MCM7: variants seen among roughly 807,000 people sequenced by gnomAD.
MCM7 encodes DNA replication licensing factor MCM7.
A neutral mutation model predicts 83.5 loss-of-function variants in MCM7; 95 were observed. That is an observed-to-expected ratio of 1.14 (90% CI 0.96 to 1.35). The LOEUF is 1.35. MCM7 is among the 40% of genes most tolerant of loss of function. MCM7 has a pLI of 0.00. For missense variants in MCM7, 1,087 were observed against 957.4 expected, an observed-to-expected ratio of 1.14 and a Z score of -1.79; for synonymous variants, 461 against 352.7, an observed-to-expected ratio of 1.31 and a Z score of -3.44.
intron 1 of MCM7, chr7:100,100,426 C>T: frequency 9.8e-7 from 1 of 1,024,700 alleles, no homozygotes; most frequent in African/African-American, 1.7e-5. Context: ...TATGATCCCC[C>T]GCCTTCTTTG....
chr7:100,092,786 T>G lies in MCM7; in HGVS notation c.*146A>C, dbSNP rs1374578281. 6 of 822,838 alleles carry G rather than the reference T, an allele frequency of 7.3e-6. No homozygotes were observed. Among genetic ancestry groups the G allele is most frequent in the Non-Finnish European group, 1.1e-5 (6 of 523,268 alleles). The allele number at this position is 822,838 out of a possible 1,614,324, so 51.0% of individuals were successfully genotyped here. A position where few individuals can be genotyped will look rare whatever the true frequency, so the allele number is the denominator to read the frequency against. ...TCAGGCCCAGGCTAGAAGATGACAA[T>G]CTACAAACACTTTTATTAGCAAAAG... is the stretch of plus-strand genomic sequence containing the variant. On this transcript the variant is annotated 3_prime_UTR_variant, in exon 15 of 15. Coordinates refer to ENST00000303887, the MANE Select transcript of MCM7 (RefSeq NM_005916.5).
At position 100,098,279 on chromosome 7, in the gene MCM7, C is replaced by G; in HGVS notation, c.732G>C (p.Val244=). ...TACTACGAGGGATATTTCCCACAGG[C>G]ACCTGATCACTCTAGGGGAGGGAAA... ...EMKMQEHSDQ[V]PVGNIPRSIT... Residue 244 remains valine, a synonymous_variant, in exon 7 of 15, where the codon GTG becomes GTC. Coordinates refer to ENST00000303887, the MANE Select transcript of MCM7 (RefSeq NM_005916.5). 4 of 1,614,100 alleles carry G rather than the reference C, an allele frequency of 2.5e-6. No homozygotes were observed. The highest frequency in any genetic ancestry group is 3.4e-6 in the Non-Finnish European group (4 of 1,180,004).
At position 100,093,389 on chromosome 7, in the gene MCM7, T is replaced by C. The variant is rs772312897; in HGVS notation, c.1861A>G (p.Met621Val). Residue 621 changes from methionine (M) to valine (V), a missense_variant, in exon 14 of 15, where the codon ATG (methionine) becomes GTG (valine). Coordinates refer to ENST00000303887, the MANE Select transcript of MCM7 (RefSeq NM_005916.5). ...RLSTALARLRMVDVVEKEDVN... is the reference protein window; with the variant it reads ...RLSTALARLRVVDVVEKEDVN... ...TCTTCTTTCTCCACCACATCCACCATTCTCAGACGTGCCTAAGGGGAAGGT... is the reference window on the plus strand; with the variant it reads ...TCTTCTTTCTCCACCACATCCACCACTCTCAGACGTGCCTAAGGGGAAGGT... 6.8e-6 allele frequency: 11 copies of C among 1,614,086 alleles called. No homozygotes were observed. The highest frequency in any genetic ancestry group is 9.3e-6 in the Non-Finnish European group (11 of 1,180,002).
chr7:100,099,554 C>A, intron 3 of MCM7, 35 bp downstream of exon 3: 1 of 1,609,240 alleles, frequency 6.2e-7, no homozygotes, highest in Non-Finnish European at 8.5e-7. Context: ...TTAAACGCCT[C>A]GCCCTTTGTT....
rs200255940 is a variant in MCM7 at position 100,093,099 on chromosome 7, C to T, written c.1993G>A (p.Val665Ile). Residue 665 changes from valine (V) to isoleucine (I), a missense_variant, in exon 15 of 15, where the codon GTC becomes ATC. Coordinates refer to ENST00000303887, the MANE Select transcript of MCM7 (RefSeq NM_005916.5). ...QRPADVIFAT[V>I]RELVSGGRSV... ...CGGCCCCCTGAGACCAGTTCACGGA[C>T]GGTGGCAAATATCACATCTGCTGGT... 20 of 1,613,968 alleles carry T rather than the reference C, an allele frequency of 1.2e-5. No individual in the cohort carries two copies. The highest frequency in any genetic ancestry group is 3.3e-5 in the Admixed American group (2 of 59,982).
chr7:100,093,224 G>A (rs1184062948), intron 14 of MCM7, 68 bp downstream of exon 14: 1 of 1,596,770 alleles, frequency 6.3e-7, no homozygotes, highest in African/African-American at 1.3e-5. Flanking sequence ...TTAGAATTGA[G>A]GCCAACCTCA....
Position 100,093,118 on chromosome 7 carries a change from T to C in MCM7, c.1974A>G (p.Ala658=). 1 of 1,613,964 alleles carries C rather than the reference T, an allele frequency of 6.2e-7. No individual in the cohort carries two copies. Among genetic ancestry groups the C allele is most frequent in the South Asian group, 1.1e-5 (1 of 91,070 alleles). The part of the protein sequence containing the change: ...KGQTARTQRP[A]DVIFATVREL... ...CACGGACGGTGGCAAATATCACATCTGCTGGTCTCTGAGTCCTGAAGGAAA... is the reference window on the plus strand; with the variant it reads ...CACGGACGGTGGCAAATATCACATCCGCTGGTCTCTGAGTCCTGAAGGAAA... Residue 658 remains alanine (A), a synonymous_variant, in exon 15 of 15, where the codon GCA becomes GCG. Coordinates refer to ENST00000303887, the MANE Select transcript of MCM7 (RefSeq NM_005916.5).
rs1194997255 is a variant in MCM7 at position 100,099,725 on chromosome 7, G to A, written c.140C>T (p.Ala47Val). The part of the protein sequence containing the change: ...LVRLAHREQV[A>V]LYVDLDDVAE... ...TACGTCGTCCAGGTCCACATACAGA[G>A]CCACCTGTTCCCGATGAGCCAGCCG... The change falls in exon 3 of 15, where the codon GCT becomes GTT. Residue 47 changes from alanine to valine, a missense_variant. By Grantham distance (64) the Ala-to-Val change is moderately conservative. Coordinates refer to ENST00000303887, the MANE Select transcript of MCM7 (RefSeq NM_005916.5). The A allele has an allele frequency of 1.9e-6, 3 of 1,614,116 alleles. No individual in the cohort carries two copies. The highest frequency in any genetic ancestry group is 1.1e-5 in the South Asian group (1 of 91,088).
chr7:100,098,757 A>G, intron 5 of MCM7, 42 bp from the exon 6 acceptor site: 1 of 1,611,134 alleles, frequency 6.2e-7, no homozygotes, highest in African/African-American at 1.3e-5. Context: ...CTCAGAAGGA[A>G]AAGAGCCCCA....
At chr7:100,093,524 G>GGGGGGATTCCACTCCTGTTT in intron 13 of MCM7, 123 bp from the exon 14 acceptor site, 1 of 882,590 alleles carries the variant, frequency 1.1e-6, no homozygotes, top group Non-Finnish European at 1.9e-6. Flanking sequence ...CAAAACAGGA[G>GGGGGGATTCCACTCCTGTTT]TGGAATCCCC....
At position 100,095,441 on chromosome 7, in the gene MCM7, T is replaced by C; in HGVS notation, c.1625A>G (p.Gln542Arg). The C allele has an allele frequency of 6.2e-7, 1 of 1,614,178 alleles. No individual in the cohort carries two copies. Among genetic ancestry groups the C allele is most frequent in the Non-Finnish European group, 8.5e-7 (1 of 1,180,024 alleles). ...RLAQHITYVH[Q>R]HSRQPPSQFE... Reference sequence around the variant, plus strand: ...CTGGGAGGGGGGCTGCCGGCTGTGCTGGTGCACATAGGTGATGTGCTGGGC... The same window carrying C: ...CTGGGAGGGGGGCTGCCGGCTGTGCCGGTGCACATAGGTGATGTGCTGGGC... Residue 542 changes from glutamine (Q) to arginine (R), a missense_variant, in exon 12 of 15, where the codon CAG (glutamine) becomes CGG (arginine). Transcript: ENST00000303887.
Position 100,095,952 on chromosome 7 carries a change from C to T in MCM7, c.1417G>A (p.Gly473Ser), listed in dbSNP as rs2307347. Residue 473 changes from glycine (G) to serine (S), a missense_variant, in exon 11 of 15, where the codon GGC becomes AGC. By Grantham distance (56) the Gly-to-Ser change is moderately conservative (BLOSUM62 0). Coordinates refer to ENST00000303887, the MANE Select transcript of MCM7 (RefSeq NM_005916.5). The stretch of plus-strand genomic sequence containing the variant: ...CGGGCATTGAGTGTGGTGAGAATGC[C>T]GGCCTTGGCAATGGAGATGGTCTGC... The part of the protein sequence containing the change: ...EQQTISIAKA[G>S]ILTTLNARCS... 3.8e-4 allele frequency: 609 copies of T among 1,614,024 alleles called. 5 individuals carry two copies. In the African/African-American group the frequency reaches 7.6e-3, roughly 20 times the overall value.
rs768673921 is a variant in MCM7, at chr7:100,095,838, G to A, written c.1531C>T (p.Leu511=). 10 of 1,611,392 alleles carry A rather than the reference G, an allele frequency of 6.2e-6. No individual in the cohort carries two copies. In the South Asian group the frequency reaches 7.7e-5, roughly 12 times the overall value. ...LEQNIQLPAA[L]LSRFDLLWLI... is the part of the protein sequence containing the mutation. ...CAGAGGAGGTCAAACCGGGAGAGCA[G>A]TGCAGCAGGTAGCTGTATGTTCTGC... Residue 511 remains leucine (L), a synonymous_variant, in exon 11 of 15, where the codon CTG becomes TTG. Coordinates refer to ENST00000303887, the MANE Select transcript of MCM7 (RefSeq NM_005916.5).
chr7:100,094,032 A>C, intron 13 of MCM7, 141 bp downstream of exon 13: 1 of 1,049,872 alleles, frequency 9.5e-7, no homozygotes, highest in Non-Finnish European at 1.5e-6. Context: ...GGTAGCACGG[A>C]GAGGACCACT....
In MCM7 at chr7:100,100,232, G is replaced by C. The variant is rs932110946; in HGVS notation, c.32-139C>G. 2.1e-6 allele frequency: 3 copies of C among 1,430,852 alleles called. No homozygotes were observed. In the East Asian group the frequency reaches 7.8e-5, roughly 37 times the overall value. 88.6% of individuals were successfully genotyped at this position (1,430,852 alleles called of 1,614,324 possible). On this transcript the variant is annotated intron_variant, in intron 1 of 14. Transcript: ENST00000303887. ...ACCTACCGAAGTCTCCCCAAAGTGG[G>C]CATAACTCTTTTTCACAAGTCTGTT...
intron 7 of MCM7, 45 bp downstream of exon 7, chr7:100,098,096 A>C: frequency 6.2e-7 from 1 of 1,606,356 alleles, no homozygotes. Flanking sequence ...TGAGTAGGTG[A>C]GGGAAAAGGG....
chr7:100,097,228 C>G (rs1795685874), intron 10 of MCM7, 73 bp downstream of exon 10: 12 of 1,346,342 alleles, frequency 8.9e-6, no homozygotes, highest in Non-Finnish European at 1.2e-5. Context: ...CAAACATGCA[C>G]CCCTACTTTT....
rs749861268 is a variant in MCM7, at chr7:100,098,195, G to A, written c.816C>T (p.Ser272=). 1.9e-4 allele frequency: 299 copies of A among 1,613,960 alleles called. No homozygotes were observed. Among genetic ancestry groups the A allele is most frequent in the Non-Finnish European group, 2.4e-4 (285 of 1,180,024 alleles). Residue 272 remains serine, a synonymous_variant, in exon 7 of 15, where the codon AGC becomes AGT. Coordinates refer to ENST00000303887, the MANE Select transcript of MCM7 (RefSeq NM_005916.5). The part of the protein sequence containing the change: ...TRIAQPGDHV[S]VTGIFLPILR... ...GGATTGGCAAGAAAATACCAGTGAC[G>A]CTGACGTGGTCTCCAGGCTGGGCAA...
Position 100,095,423 on chromosome 7 carries a change from G to A in MCM7, c.1643C>T (p.Pro548Leu), listed in dbSNP as rs768108788. ...TYVHQHSRQP[P>L]SQFEPLDMKL... ...CATGTCCAGAGGTTCAAACTGGGAG[G>A]GGGGCTGCCGGCTGTGCTGGTGCAC... The change falls in exon 12 of 15, where the codon CCC becomes CTC. Residue 548 changes from proline (P) to leucine (L), a missense_variant. Physicochemically the swap from Pro to Leu is moderately conservative, Grantham distance 98. Coordinates refer to ENST00000303887, the MANE Select transcript of MCM7 (RefSeq NM_005916.5). 6.2e-7 allele frequency: 1 copy of A among 1,614,016 alleles called. No individual in the cohort carries two copies. The highest frequency in any genetic ancestry group is 8.5e-7 in the Non-Finnish European group (1 of 1,180,006).
Sources: allele counts gnomAD v4.1 joint callset, GRCh38; gene constraint gnomAD v4.1.1; transcripts MANE v1.5; gene names NCBI Gene and HGNC (gene_info 2026-07-23, HGNC 2026-07-21).